The following TNRC6B variants were observed in gnomAD, a reference collection of about 807,000 sequenced individuals.
TNRC6B encodes the protein trinucleotide repeat containing adaptor 6B, also known as trinucleotide repeat-containing gene 6B protein.
TNRC6B carries 52 observed loss-of-function variants against 203.6 expected under a neutral mutation model. The observed-to-expected ratio is 0.26, with a 90% confidence interval of 0.20 to 0.32. The LOEUF is 0.32. TNRC6B is among the 10% of genes least tolerant of loss of function. TNRC6B has a pLI of 1.00. For synonymous variants in TNRC6B, 838 were observed against 845.7 expected (o/e 0.99, Z 0.16); for missense variants, 1,923 against 2,286.2 (o/e 0.84, Z 3.24).
chr22:40,295,947 G>T (rs1344337548), intron 12 of TNRC6B, among the ~76,000 whole-genome samples: 1 of 152,170 alleles, frequency 6.6e-6, no homozygotes, highest in Non-Finnish European at 1.5e-5. Context: ...GAAGAGAATT[G>T]TGGAGCCCTC....
intron 1 of TNRC6B, among the ~76,000 whole-genome samples, chr22:40,103,706 G>A (rs1198468350): frequency 2.0e-5 from 3 of 151,798 alleles, no homozygotes; most frequent in South Asian, 2.1e-4. Context: ...GCAGTGGCAC[G>A]ATCTTGGCTT....
chr22:40,107,571 A>G (rs1338706153), intron 1 of TNRC6B, among the ~76,000 whole-genome samples: 1 of 152,124 alleles, frequency 6.6e-6, no homozygotes, highest in Non-Finnish European at 1.5e-5. Context: ...TTTTATTTTT[A>G]TTTTAAGAGA....
chr22:40,268,781 G>A (rs1304025492), intron 5 of TNRC6B, among the ~76,000 whole-genome samples: 4 of 151,978 alleles, frequency 2.6e-5, no homozygotes, highest in East Asian at 1.9e-4. Flanking sequence ...GCGTGGTGGC[G>A]GGCACCTGTA....
rs978759469 is a variant in TNRC6B, at chr22:40,058,528, A to C, written c.-121+13530A>C. On this transcript the variant is annotated intron_variant, in intron 1 of 23. Coordinates refer to the TNRC6B transcript ENST00000301923. ...GATGCAGCACGTTAGCTTTGGAAGC[A>C]GACAGTCTCTAGACTGACTGACTGT... Among the ~76,000 whole-genome samples, 6 of 152,262 alleles carry C rather than the reference A, an allele frequency of 3.9e-5. No homozygotes were observed. The South Asian group carries it at 1.2e-3, about 31-fold the overall frequency.
At chr22:40,250,791 G>A (rs1013803182) in intron 2 of TNRC6B, among the ~76,000 whole-genome samples, 2 of 152,112 alleles carry the variant, frequency 1.3e-5, no homozygotes, top group African/African-American at 4.8e-5. Flanking sequence ...TCAAGTGTTT[G>A]TGTCTATACT....
chr22:40,177,874 G>T, upstream of TNRC6B: 1 of 1,308,734 alleles, frequency 7.6e-7, no homozygotes, highest in Admixed American at 3.8e-5. Flanking sequence ...AAACCTACCC[G>T]AAGTCACATG....
intron 3 of TNRC6B, among the ~76,000 whole-genome samples, chr22:40,154,072 C>T (rs2068787250): frequency 6.6e-6 from 1 of 151,786 alleles, no homozygotes; most frequent in African/African-American, 2.4e-5. Flanking sequence ...CAGTCTTGAA[C>T]TCCTAGGCTC....
intron 3 of TNRC6B, among the ~76,000 whole-genome samples, chr22:40,141,190 A>G (rs1179998398): frequency 6.9e-6 from 1 of 145,328 alleles, no homozygotes; most frequent in East Asian, 2.0e-4. Flanking sequence ...TGGGTGGTGA[A>G]CTCAAATTCT....
intron 1 of TNRC6B, among the ~76,000 whole-genome samples, chr22:40,182,321 ACTT>A (rs2069144107): frequency 6.6e-6 from 1 of 152,198 alleles, no homozygotes; most frequent in Non-Finnish European, 1.5e-5. Flanking sequence ...TAGATATTAG[ACTT>A]CTTTAAGTGG....
At chr22:40,231,562 T>C (rs2069870594) in intron 1 of TNRC6B, among the ~76,000 whole-genome samples, 1 of 152,196 alleles carries the variant, frequency 6.6e-6, no homozygotes, top group Admixed American at 6.5e-5. Context: ...GTTCCTAGTA[T>C]GTAAAAATGT....
intron 10 of TNRC6B, among the ~76,000 whole-genome samples, chr22:40,280,716 A>G (rs1401914626): frequency 6.6e-6 from 1 of 152,246 alleles, no homozygotes; most frequent in Non-Finnish European, 1.5e-5. Context: ...GAAAGCAGTT[A>G]AAACCAAAAT....
In TNRC6B at chr22:40,296,607, C is replaced by T. The variant is rs575420001; in HGVS notation, c.3709-3848C>T. On this transcript the variant is annotated intron_variant, in intron 12 of 22. Coordinates refer to ENST00000454349, the MANE Select transcript of TNRC6B (RefSeq NM_001162501.2). ...TCGGCTTCCCAAAGTGCTGGGATTA[C>T]AGGCGTGAGCCACCGCGCCCGGCCT... 3.1e-4 allele frequency among the ~76,000 whole-genome samples: 47 copies of T among 150,934 alleles called. 2 individuals carry two copies. The highest frequency in any genetic ancestry group is 1.1e-3 in the African/African-American group (45 of 41,058).
intron 2 of TNRC6B, among the ~76,000 whole-genome samples, chr22:40,119,305 C>T (rs568662797): frequency 7.9e-5 from 12 of 152,310 alleles, no homozygotes; most frequent in African/African-American, 2.2e-4. Flanking sequence ...TTGTGTCGGT[C>T]GGACACGGTG....
At chr22:40,258,013 C>CA (rs1337755031) in intron 3 of TNRC6B, among the ~76,000 whole-genome samples, 7 of 112,020 alleles carry the variant, frequency 6.2e-5, no homozygotes, top group Non-Finnish European at 1.3e-4. Context: ...GACTCAGTCT[C>CA]AAAAAACAAA....
intron 3 of TNRC6B, among the ~76,000 whole-genome samples, chr22:40,148,003 T>C (rs777836054): frequency 3.0e-4 from 45 of 152,278 alleles, no homozygotes; most frequent in Non-Finnish European, 4.7e-4. Flanking sequence ...GCCACTGAAT[T>C]GTGTACTTTA....
chr22:40,139,918 C>T (rs1474072725), intron 3 of TNRC6B, among the ~76,000 whole-genome samples: 1 of 152,154 alleles, frequency 6.6e-6, no homozygotes, highest in African/African-American at 2.4e-5. Flanking sequence ...AGTTTGTCTG[C>T]ATCATCACCA....
chr22:40,105,343 G>C (rs1489017307), intron 1 of TNRC6B, among the ~76,000 whole-genome samples: 2 of 152,118 alleles, frequency 1.3e-5, no homozygotes, highest in Non-Finnish European at 2.9e-5. Context: ...GTAAAACAAT[G>C]AATTATTTTG....
intron 18 of TNRC6B, 27 bp downstream of exon 18, chr22:40,312,678 G>A (rs1162933292): frequency 3.1e-6 from 5 of 1,590,922 alleles, no homozygotes; most frequent in Non-Finnish European, 4.3e-6. Context: ...TCTCTTATAT[G>A]TTCAACACCC....
At chr22:40,060,214 A>G (rs1000096455) in intron 1 of TNRC6B, among the ~76,000 whole-genome samples, 3 of 93,466 alleles carry the variant, frequency 3.2e-5, no homozygotes, top group Non-Finnish European at 4.6e-5. Context: ...TTTTTTTATT[A>G]TTTTTATTAT....
Sources: allele counts gnomAD v4.1 joint callset (sites outside exome capture counted in the v4.1 genomes callset), GRCh38; gene constraint gnomAD v4.1.1; transcripts MANE v1.5; gene names NCBI Gene and HGNC (gene_info 2026-07-23, HGNC 2026-07-21).